Variants in ATP9A observed in about 807,000 individuals in gnomAD.
ATP9A encodes the protein ATPase phospholipid transporting 9A.
A neutral mutation model predicts 144.1 loss-of-function variants in ATP9A; 52 were observed. The ratio of observed to expected loss-of-function variants is 0.36; its 90% CI spans 0.29 to 0.45. ATP9A has a LOEUF of 0.45. Ranked by LOEUF, ATP9A falls within the 20% of genes least tolerant of loss-of-function variation. The probability of loss-of-function intolerance (pLI) is 1.00; values close to 1 mark genes in which losing one functional copy is unlikely to be tolerated. For missense variants in ATP9A, 947 were observed against 1,392.7 expected, an observed-to-expected ratio of 0.68 and a Z score of 5.09; for synonymous variants, 582 against 557.4, an observed-to-expected ratio of 1.04 and a Z score of -0.62.
chr20:51,762,271 T>A (rs2077884055), intron 1 of ATP9A, among the ~76,000 whole-genome samples: 1 of 151,878 alleles, frequency 6.6e-6, no homozygotes. Flanking sequence ...GAGGCCAAGG[T>A]GAGCGGATCA....
rs79977438 is a variant in ATP9A, at chr20:51,617,905, G to A, written c.2351-351C>T. On this transcript the variant is annotated intron_variant, in intron 21 of 27. Coordinates refer to ENST00000338821, the MANE Select transcript of ATP9A (RefSeq NM_006045.3). ...GCTCTTACTGGACGCTTTCCATGCAGCGTGGCAAGCACATTTTAAAGGTGA... is the reference window on the plus strand; with the variant it reads ...GCTCTTACTGGACGCTTTCCATGCAACGTGGCAAGCACATTTTAAAGGTGA... 7.3e-3 allele frequency among the ~76,000 whole-genome samples: 1,115 copies of A among 152,296 alleles called. 11 individuals are homozygous for A. Among genetic ancestry groups the A allele is most frequent in the African/African-American group, 0.026 (1,061 of 41,568 alleles).
At chr20:51,745,265 T>TAA (rs56011562) in intron 1 of ATP9A, among the ~76,000 whole-genome samples, 6 of 106,516 alleles carry the variant, frequency 5.6e-5, no homozygotes, top group South Asian at 3.0e-4. Context: ...AGACTCCGTC[T>TAA]AAAAAAAAAA....
chr20:51,645,245 C>A (rs1247415755), intron 14 of ATP9A, among the ~76,000 whole-genome samples: 1 of 152,118 alleles, frequency 6.6e-6, no homozygotes, highest in Non-Finnish European at 1.5e-5. Context: ...CAGGATCTGG[C>A]GAGGTGGCTC....
chr20:51,668,188 A>AAATC (rs59246876), intron 13 of ATP9A, among the ~76,000 whole-genome samples: 1 of 122,914 alleles, frequency 8.1e-6, no homozygotes, highest in Non-Finnish European at 1.7e-5. Context: ...AAAAAAAAAA[A>AAATC]AAAGGCCGAA....
chr20:51,688,945 G>C, intron 9 of ATP9A, 119 bp downstream of exon 9: 2 of 1,112,562 alleles, frequency 1.8e-6, no homozygotes, highest in African/African-American at 1.5e-5. Context: ...GTCGGAACAA[G>C]TGGAAAATGC....
chr20:51,706,146 A>C (rs2077613863), intron 4 of ATP9A, among the ~76,000 whole-genome samples: 1 of 152,232 alleles, frequency 6.6e-6, no homozygotes, highest in Non-Finnish European at 1.5e-5. Context: ...AAAATGACTC[A>C]AATCTTAAAA....
chr20:51,641,046 GA>G (rs1399019214), intron 14 of ATP9A, among the ~76,000 whole-genome samples: 2 of 152,078 alleles, frequency 1.3e-5, no homozygotes, highest in Non-Finnish European at 2.9e-5. Flanking sequence ...GTAACACAAG[GA>G]GACCCCATTT....
intron 9 of ATP9A, among the ~76,000 whole-genome samples, chr20:51,684,883 C>T (rs533531480): frequency 5.3e-5 from 8 of 150,040 alleles, no homozygotes; most frequent in South Asian, 2.1e-4. Flanking sequence ...TAGTGGCAGG[C>T]GCCTGTAGTC....
chr20:51,721,561 A>G (rs1029371280), intron 3 of ATP9A, among the ~76,000 whole-genome samples: 11 of 152,142 alleles, frequency 7.2e-5, no homozygotes, highest in African/African-American at 2.2e-4. Flanking sequence ...GCACTTTGGG[A>G]GGCCAAGGTG....
chr20:51,614,601 G>A (rs1041539671), intron 22 of ATP9A, among the ~76,000 whole-genome samples: 1 of 152,070 alleles, frequency 6.6e-6, no homozygotes, highest in Admixed American at 6.6e-5. Context: ...GCACCTGGCC[G>A]AATTCTCTCA....
chr20:51,762,215 A>C (rs939214916), intron 1 of ATP9A, among the ~76,000 whole-genome samples: 5 of 151,994 alleles, frequency 3.3e-5, no homozygotes, highest in Non-Finnish European at 5.9e-5. Flanking sequence ...AAATACAAAA[A>C]TTAGGCCAGG....
intron 15 of ATP9A, among the ~76,000 whole-genome samples, chr20:51,636,563 C>G (rs2426331): frequency 0.85 from 129,235 of 152,162 alleles, 54,980 homozygotes; most frequent in Non-Finnish European, 0.86. Context: ...CAAGTCCTGG[C>G]GTAGAGAGCT....
At chr20:51,672,303 T>G (rs530896784) in intron 11 of ATP9A, among the ~76,000 whole-genome samples, 1 of 152,296 alleles carries the variant, frequency 6.6e-6, no homozygotes, top group South Asian at 2.1e-4. Context: ...AAATTTAATT[T>G]TACTGCACAA....
intron 1 of ATP9A, among the ~76,000 whole-genome samples, chr20:51,765,385 T>C (rs1461448081): frequency 6.6e-6 from 1 of 152,168 alleles, no homozygotes; most frequent in Non-Finnish European, 1.5e-5. Flanking sequence ...CCAGACACAG[T>C]GGCTCACATC....
chr20:51,618,809 G>A lies in ATP9A; in HGVS notation c.2206-3C>T, dbSNP rs1273603499. On this transcript the variant is annotated splice_polypyrimidine_tract_variant and splice_region_variant and intron_variant, in intron 20 of 27. Coordinates refer to ENST00000338821, the MANE Select transcript of ATP9A (RefSeq NM_006045.3). ...TACTCATAGTACTTGAGGCAAACCT[G>A]CAGGGTGGAGGGAGAGGTGGTGCGT... is the stretch of plus-strand genomic sequence containing the variant. The A allele has an allele frequency of 2.3e-5, 36 of 1,585,624 alleles. No individual in the cohort carries two copies. The highest frequency in any genetic ancestry group is 3.1e-5 in the Non-Finnish European group (36 of 1,163,612).
chr20:51,606,949 C>A (rs2077165984), intron 26 of ATP9A, among the ~76,000 whole-genome samples: 1 of 150,278 alleles, frequency 6.7e-6, no homozygotes, highest in Non-Finnish European at 1.5e-5. Flanking sequence ...CTATTATGTG[C>A]ACTACAAAAC....
chr20:51,646,362 G>A (rs1484319827), intron 14 of ATP9A, among the ~76,000 whole-genome samples: 3 of 152,128 alleles, frequency 2.0e-5, no homozygotes, highest in African/African-American at 4.8e-5. Context: ...GATACGAGGC[G>A]GGAATGTGAC....
intron 15 of ATP9A, among the ~76,000 whole-genome samples, chr20:51,631,408 T>TC (rs1568793735): frequency 6.6e-6 from 1 of 151,814 alleles, no homozygotes. Flanking sequence ...ATTTTTTCCT[T>TC]CCCCCCGACA....
At chr20:51,626,006 G>A (rs1464623116) in intron 17 of ATP9A, among the ~76,000 whole-genome samples, 1 of 152,224 alleles carries the variant, frequency 6.6e-6, no homozygotes, top group Non-Finnish European at 1.5e-5. Context: ...CATGGAGCAG[G>A]GCAGGGCCCC....
Sources: allele counts gnomAD v4.1 joint callset (sites outside exome capture counted in the v4.1 genomes callset), GRCh38; gene constraint gnomAD v4.1.1; transcripts MANE v1.5; gene names NCBI Gene and HGNC (gene_info 2026-07-23, HGNC 2026-07-21).